The following TCF7L2 variants were observed in gnomAD, a reference collection of about 807,000 sequenced individuals.
TCF7L2 encodes transcription factor 7 like 2.
A neutral mutation model predicts 77.9 loss-of-function variants in TCF7L2; 23 were observed. The observed-to-expected ratio is 0.30, with a 90% CI of 0.21 to 0.42. The LOEUF (loss-of-function observed/expected upper bound fraction) is 0.42, where lower values mean the gene tolerates loss of function less well. Among genes scored for constraint, TCF7L2 ranks in the 10% least tolerant of loss-of-function variants. TCF7L2 has a pLI of 1.00. For synonymous variants in TCF7L2, 413 were observed against 340.2 expected (o/e 1.21, Z -2.36); for missense variants, 654 against 793.1 (o/e 0.82, Z 2.11).
At chr10:112,975,725 G>A (rs1008135625) in intron 4 of TCF7L2, among the ~76,000 whole-genome samples, 3 of 152,116 alleles carry the variant, frequency 2.0e-5, no homozygotes, top group South Asian at 4.1e-4. Flanking sequence ...CAAGTGATCC[G>A]CCCGTCTCGG....
At chr10:112,967,958 A>C (rs963671680) in intron 4 of TCF7L2, among the ~76,000 whole-genome samples, 17 of 152,218 alleles carry the variant, frequency 1.1e-4, no homozygotes, top group African/African-American at 4.1e-4. Context: ...TCTTTTAGAA[A>C]AGACATTGTT....
At chr10:112,995,290 G>A (rs918508097) in intron 4 of TCF7L2, among the ~76,000 whole-genome samples, 2 of 152,132 alleles carry the variant, frequency 1.3e-5, no homozygotes, top group African/African-American at 4.8e-5. Flanking sequence ...TCGGCCTTAC[G>A]TTTTTTTGTT....
intron 3 of TCF7L2, among the ~76,000 whole-genome samples, chr10:112,952,392 C>T (rs1041831745): frequency 1.5e-4 from 23 of 152,198 alleles, no homozygotes; most frequent in African/African-American, 5.3e-4. Context: ...CCGTGGCGGG[C>T]TCCGCTGCCC....
intron 5 of TCF7L2, among the ~76,000 whole-genome samples, chr10:113,073,109 TG>T (rs1252539747): frequency 7.2e-6 from 1 of 138,028 alleles, no homozygotes; most frequent in Admixed American, 7.3e-5. Flanking sequence ...CGTGTGTGTG[TG>T]TGTGTGTGTG....
At chr10:113,005,750 G>A (rs1379156490) in intron 4 of TCF7L2, among the ~76,000 whole-genome samples, 2 of 151,976 alleles carry the variant, frequency 1.3e-5, no homozygotes, top group Non-Finnish European at 2.9e-5. Context: ...TGTCCTCATC[G>A]TTATCCCAAA....
chr10:113,008,622 T>G (rs1268553831), intron 4 of TCF7L2, among the ~76,000 whole-genome samples: 1 of 152,252 alleles, frequency 6.6e-6, no homozygotes, highest in Non-Finnish European at 1.5e-5. Context: ...TAATCCTTAA[T>G]TAACACCTGT....
Position 113,032,208 on chromosome 10 carries a change from G to A in TCF7L2, c.451-7817G>A, listed in dbSNP as rs1349127808. 2.0e-5 allele frequency among the ~76,000 whole-genome samples: 3 copies of A among 152,178 alleles called. No homozygotes were observed. In the East Asian group the frequency reaches 5.8e-4, roughly 29 times the overall value. Reference sequence around the variant, plus strand: ...AGGGGCCCATTGGTTGTGAGAGGAGGGTCTGGTGAAATTCCATACCGATTG... The same window carrying A: ...AGGGGCCCATTGGTTGTGAGAGGAGAGTCTGGTGAAATTCCATACCGATTG... On this transcript the variant is annotated intron_variant, in intron 4 of 13. Coordinates refer to ENST00000627217, the MANE Select transcript of TCF7L2 (RefSeq NM_001146274.2).
intron 5 of TCF7L2, among the ~76,000 whole-genome samples, chr10:113,135,199 C>T (rs560416524): frequency 2.6e-5 from 4 of 152,194 alleles, no homozygotes; most frequent in African/African-American, 9.6e-5. Context: ...GGTGTGTGGG[C>T]GCTTGGCGAT....
chr10:112,964,820 G>A (rs566069306), intron 4 of TCF7L2, among the ~76,000 whole-genome samples, 196 bp downstream of exon 4: 43 of 144,962 alleles, frequency 3.0e-4, no homozygotes, highest in Non-Finnish European at 4.9e-4. Context: ...GGTGGGGGGG[G>A]GTTGAATCAC....
chr10:113,106,443 A>G (rs930947418), intron 5 of TCF7L2, among the ~76,000 whole-genome samples: 3 of 152,186 alleles, frequency 2.0e-5, no homozygotes, highest in Non-Finnish European at 4.4e-5. Context: ...TTTGTGAACC[A>G]TTCCTGTTAA....
At chr10:112,971,061 A>G (rs987263272) in intron 4 of TCF7L2, among the ~76,000 whole-genome samples, 1 of 152,230 alleles carries the variant, frequency 6.6e-6, no homozygotes, top group African/African-American at 2.4e-5. Context: ...ATTTAAGTCC[A>G]TACCTCAGAA....
intron 5 of TCF7L2, among the ~76,000 whole-genome samples, chr10:113,085,609 C>G (rs1379394161): frequency 6.6e-6 from 1 of 152,170 alleles, no homozygotes; most frequent in African/African-American, 2.4e-5. Context: ...TAATGGAATA[C>G]ACAAATATTA....
intron 5 of TCF7L2, among the ~76,000 whole-genome samples, chr10:113,070,426 C>T (rs1011799197): frequency 6.6e-6 from 1 of 152,064 alleles, no homozygotes; most frequent in Non-Finnish European, 1.5e-5. Flanking sequence ...GGGGACACCA[C>T]TTTCCTGTAG....
chr10:112,971,022 A>G (rs1274621955), intron 4 of TCF7L2, among the ~76,000 whole-genome samples: 1 of 152,192 alleles, frequency 6.6e-6, no homozygotes, highest in Non-Finnish European at 1.5e-5. Flanking sequence ...TTGACTTGCT[A>G]TGGTGATGAG....
chr10:113,096,755 A>T (rs1349019311), intron 5 of TCF7L2, among the ~76,000 whole-genome samples: 2 of 152,138 alleles, frequency 1.3e-5, no homozygotes, highest in Non-Finnish European at 2.9e-5. Flanking sequence ...CAGGGAGAAA[A>T]GCTCTTGGCT....
intron 5 of TCF7L2, chr10:113,129,502 T>A (rs880082): frequency 0.2 from 199,183 of 1,007,790 alleles, 20,799 homozygotes; most frequent in Middle Eastern, 0.29. Context: ...AAATTTTTTT[T>A]AAAAAATTAA....
intron 4 of TCF7L2, among the ~76,000 whole-genome samples, chr10:113,023,516 A>G (rs1487307306): frequency 2.6e-5 from 4 of 152,120 alleles, no homozygotes; most frequent in African/African-American, 9.7e-5. Flanking sequence ...CTGTCACCCA[A>G]GCTGGAGTGC....
chr10:113,147,741 G>C (rs2069780247), intron 8 of TCF7L2, among the ~76,000 whole-genome samples: 2 of 152,134 alleles, frequency 1.3e-5, no homozygotes, highest in Admixed American at 1.3e-4. Context: ...TTTCATGTTT[G>C]TTTATTTGGT....
At position 113,068,523 on chromosome 10, in the gene TCF7L2, A is replaced by G. The variant is rs569686029; in HGVS notation, c.552+28397A>G. Among the ~76,000 whole-genome samples, 131 of 152,286 alleles carry G rather than the reference A, an allele frequency of 8.6e-4. 4 individuals are homozygous for G. The South Asian group carries it at 0.027, about 31-fold the overall frequency. On this transcript the variant is annotated intron_variant, in intron 5 of 13. Transcript: ENST00000627217. ...TGATACACCTCTACCCTGCCATGCCATGGCAGCTGGGCCTCGCAGAGATGG... is the reference window on the plus strand; with the variant it reads ...TGATACACCTCTACCCTGCCATGCCGTGGCAGCTGGGCCTCGCAGAGATGG...
Sources: allele counts gnomAD v4.1 joint callset (sites outside exome capture counted in the v4.1 genomes callset), GRCh38; gene constraint gnomAD v4.1.1; transcripts MANE v1.5; gene names NCBI Gene and HGNC (gene_info 2026-07-23, HGNC 2026-07-21).